ITFG1: variants seen among roughly 807,000 people sequenced by gnomAD.
ITFG1 encodes T-cell immunomodulatory protein.
ITFG1 carries 34 observed loss-of-function variants against 81.8 expected under a neutral mutation model. The observed-to-expected ratio is 0.42, with a 90% CI of 0.32 to 0.55. The LOEUF is 0.55. ITFG1 is among the 20% of genes least tolerant of loss of function. The probability of loss-of-function intolerance (pLI) is 0.17; values close to 1 mark genes in which losing one functional copy is unlikely to be tolerated. For synonymous variants in ITFG1, 285 were observed against 270.6 expected, an observed-to-expected ratio of 1.05 and a Z score of -0.52; for missense variants, 672 against 755.4, an observed-to-expected ratio of 0.89 and a Z score of 1.29.
chr16:47,288,314 T>C (rs1276195790), intron 10 of ITFG1, among the ~76,000 whole-genome samples: 1 of 152,216 alleles, frequency 6.6e-6, no homozygotes, highest in Non-Finnish European at 1.5e-5. Flanking sequence ...ACTGTGTTTA[T>C]ATACCACATT....
intron 5 of ITFG1, among the ~76,000 whole-genome samples, chr16:47,445,186 G>A (rs1969308275): frequency 6.8e-6 from 1 of 147,772 alleles, no homozygotes; most frequent in Non-Finnish European, 1.5e-5. Flanking sequence ...AGATTCCCCA[G>A]GCCGGGCGCG....
intron 8 of ITFG1, among the ~76,000 whole-genome samples, chr16:47,363,570 CAGAAAAT>C (rs1270720575): frequency 6.6e-6 from 1 of 152,042 alleles, no homozygotes; most frequent in East Asian, 1.9e-4. Context: ...TCATGCCACT[CAGAAAAT>C]AGTATCAATT....
At chr16:47,429,517 T>C (rs566087494) in intron 5 of ITFG1, among the ~76,000 whole-genome samples, 8 of 152,230 alleles carry the variant, frequency 5.3e-5, no homozygotes, top group Non-Finnish European at 1.0e-4. Flanking sequence ...GTTGAACTGT[T>C]TTCCACTTCA....
chr16:47,428,666 A>C (rs1969054467), intron 6 of ITFG1, 138 bp downstream of exon 6: 1 of 652,664 alleles, frequency 1.5e-6, no homozygotes, highest in Admixed American at 3.1e-5. Flanking sequence ...CATGTTTCCA[A>C]ATCACTGACT....
intron 5 of ITFG1, among the ~76,000 whole-genome samples, chr16:47,432,792 CTGAT>C (rs1367662953): frequency 7.9e-5 from 12 of 152,130 alleles, no homozygotes; most frequent in African/African-American, 2.2e-4. Context: ...TTAATAATGA[CTGAT>C]TAACTTATTT....
chr16:47,186,452 C>T (rs1181260239), intron 14 of ITFG1, among the ~76,000 whole-genome samples: 2 of 152,110 alleles, frequency 1.3e-5, no homozygotes, highest in African/African-American at 2.4e-5. Context: ...AAGGCTGGTT[C>T]AATATACGCA....
intron 12 of ITFG1, among the ~76,000 whole-genome samples, chr16:47,254,040 T>C (rs1422273211): frequency 2.0e-5 from 3 of 152,070 alleles, no homozygotes; most frequent in African/African-American, 7.2e-5. Context: ...TAACTAAATA[T>C]GCACATTTTG....
chr16:47,187,609 A>G (rs1411311272), intron 14 of ITFG1, among the ~76,000 whole-genome samples: 1 of 151,996 alleles, frequency 6.6e-6, no homozygotes, highest in African/African-American at 2.4e-5. Flanking sequence ...ACAAAAATCA[A>G]TTCAAGATGG....
Position 47,343,649 on chromosome 16 carries a change from G to A in ITFG1, c.802+22139C>T, listed in dbSNP as rs148749011. 9.0e-3 allele frequency among the ~76,000 whole-genome samples: 1,371 copies of A among 152,042 alleles called. 11 individuals carry two copies. Among genetic ancestry groups the A allele is most frequent in the Non-Finnish European group, 0.013 (912 of 67,928 alleles). On this transcript the variant is annotated intron_variant, in intron 8 of 17. Transcript: ENST00000320640. ...GAGAAACACAAATGAAAGCCACAAC[G>A]AAAAACCACTTCACATCTACTAGGA...
At chr16:47,226,636 C>G (rs1253262648) in intron 13 of ITFG1, among the ~76,000 whole-genome samples, 2 of 150,250 alleles carry the variant, frequency 1.3e-5, no homozygotes, top group Non-Finnish European at 1.5e-5. Flanking sequence ...GGTTTTTTCT[C>G]CTTGCGACAG....
chr16:47,286,231 C>T (rs759367931), intron 10 of ITFG1, among the ~76,000 whole-genome samples: 2 of 152,176 alleles, frequency 1.3e-5, no homozygotes, highest in Non-Finnish European at 2.9e-5. Flanking sequence ...TTGGGATGGC[C>T]ATTCCAAATT....
intron 13 of ITFG1, among the ~76,000 whole-genome samples, chr16:47,219,476 C>T (rs1965664649): frequency 6.6e-6 from 1 of 152,116 alleles, no homozygotes; most frequent in South Asian, 2.1e-4. Context: ...TGAGGTCTAT[C>T]TCTAACTTGT....
chr16:47,443,090 C>T (rs1470830741), intron 5 of ITFG1, among the ~76,000 whole-genome samples: 1 of 152,046 alleles, frequency 6.6e-6, no homozygotes, highest in Non-Finnish European at 1.5e-5. Context: ...GGGCAAAGGG[C>T]ATGAACAGAC....
intron 12 of ITFG1, among the ~76,000 whole-genome samples, chr16:47,238,640 A>AGTGATACCTT (rs1165760961): frequency 6.6e-6 from 1 of 152,180 alleles, no homozygotes; most frequent in South Asian, 2.1e-4. Flanking sequence ...CTTTTGGTGA[A>AGTGATACCTT]GTGATACCTT....
At chr16:47,287,242 A>G (rs981409952) in intron 10 of ITFG1, among the ~76,000 whole-genome samples, 13 of 152,134 alleles carry the variant, frequency 8.5e-5, no homozygotes, top group African/African-American at 3.1e-4. Flanking sequence ...ATATATATTT[A>G]CATATAATTT....
At chr16:47,354,662 T>G (rs1052331058) in intron 8 of ITFG1, among the ~76,000 whole-genome samples, 5 of 152,068 alleles carry the variant, frequency 3.3e-5, no homozygotes, top group Non-Finnish European at 7.4e-5. Flanking sequence ...CTGACAGTGT[T>G]AATATAAGAA....
At chr16:47,208,737 C>T (rs1965530449) in intron 14 of ITFG1, among the ~76,000 whole-genome samples, 2 of 152,216 alleles carry the variant, frequency 1.3e-5, no homozygotes, top group Non-Finnish European at 2.9e-5. Context: ...TCTGGAATCA[C>T]TTCTCATCCT....
chr16:47,195,026 T>C lies in ITFG1; in HGVS notation c.1453+23842A>G, dbSNP rs537394226. Among the ~76,000 whole-genome samples the C allele has an allele frequency of 7.9e-5, 12 of 152,348 alleles. No individual in the cohort carries two copies. The South Asian group carries it at 2.3e-3, about 29-fold the overall frequency. On this transcript the variant is annotated intron_variant, in intron 14 of 17. Coordinates refer to ENST00000320640, the MANE Select transcript of ITFG1 (RefSeq NM_030790.5). ...AATGATTCTGATGCTCTTGAACTTT[T>C]CAATTGTCCATTCTCTAAGACTCTC... is the stretch of plus-strand genomic sequence containing the variant.
At chr16:47,257,507 A>G (rs975370970) in intron 12 of ITFG1, among the ~76,000 whole-genome samples, 3 of 152,226 alleles carry the variant, frequency 2.0e-5, no homozygotes, top group African/African-American at 7.2e-5. Context: ...CAATGAAAAA[A>G]TAAGTAACAC....
Sources: gnomAD v4.1 joint callset for allele counts (sites outside exome capture counted in the v4.1 genomes callset) on GRCh38, gnomAD v4.1.1 for gene constraint, MANE v1.5 for transcripts, NCBI Gene and HGNC (gene_info 2026-07-23, HGNC 2026-07-21) for gene names.